Variants in CCDC152 observed in about 807,000 individuals in gnomAD.
CCDC152 encodes coiled-coil domain-containing protein 152.
A neutral mutation model predicts 38.1 loss-of-function variants in CCDC152; 37 were observed. The observed-to-expected ratio is 0.97, with a 90% CI of 0.75 to 1.28. The LOEUF (loss-of-function observed/expected upper bound fraction) is 1.28. Ranked by LOEUF, CCDC152 falls within the 50% of genes most tolerant of loss-of-function variation. The probability of loss-of-function intolerance (pLI) is 0.00; values close to 1 mark genes in which losing one functional copy is unlikely to be tolerated. For synonymous variants in CCDC152, 83 were observed against 87.1 expected, an observed-to-expected ratio of 0.95 and a Z score of 0.26; for missense variants, 259 against 292.1, an observed-to-expected ratio of 0.89 and a Z score of 0.83.
At chr5:42,787,331 A>G (rs1303294999) in intron 6 of CCDC152, among the ~76,000 whole-genome samples, 1 of 151,904 alleles carries the variant, frequency 6.6e-6, no homozygotes, top group Non-Finnish European at 1.5e-5. Context: ...TTTTAATTCC[A>G]GAAGTTTTTG....
At position 42,783,493 on chromosome 5, in the gene CCDC152, C is replaced by T; in HGVS notation, c.347C>T (p.Ala116Val). Reference sequence around the variant, plus strand: ...CTTTAGGAATATAAGAATAATATTGCCAAACTTGTAAGTGAAATGAAAATC... The same window carrying T: ...CTTTAGGAATATAAGAATAATATTGTCAAACTTGTAAGTGAAATGAAAATC... ...SHEQEYKNNIAKLVSEMKIKE... is the reference protein window; with the variant it reads ...SHEQEYKNNIVKLVSEMKIKE... Residue 116 changes from alanine to valine, a missense_variant, in exon 6 of 9, where the codon GCC becomes GTC. Physicochemically the swap from Ala to Val is moderately conservative, Grantham distance 64 (BLOSUM62 0). Transcript: ENST00000361970. 1 of 1,344,486 alleles carries T rather than the reference C, an allele frequency of 7.4e-7. No homozygotes were observed. The highest frequency in any genetic ancestry group is 9.7e-7 in the Non-Finnish European group (1 of 1,034,990). The allele number at this position is 1,344,486 out of a possible 1,614,324, so 83.3% of individuals were successfully genotyped here. A position where few individuals can be genotyped will look rare whatever the true frequency, so the allele number is the denominator to read the frequency against.
At chr5:42,766,846 A>G (rs941168715) in intron 3 of CCDC152, among the ~76,000 whole-genome samples, 2 of 151,416 alleles carry the variant, frequency 1.3e-5, no homozygotes, top group Admixed American at 1.3e-4. Context: ...ACTATTCGTT[A>G]GCACAGTAAG....
chr5:42,799,638 C>A (rs1032239576), intron 8 of CCDC152, 21 bp from the exon 9 acceptor site: 19 of 1,515,700 alleles, frequency 1.3e-5, no homozygotes, highest in Admixed American at 2.1e-5. Context: ...ATTCTAATAA[C>A]AAATTTTTTG....
chr5:42,757,315 G>A (rs747276212), intron 1 of CCDC152, among the ~76,000 whole-genome samples: 21 of 152,158 alleles, frequency 1.4e-4, no homozygotes, highest in Non-Finnish European at 2.5e-4. Flanking sequence ...GGACCAGAGC[G>A]TGGGGCAGGC....
At chr5:42,781,371 A>G (rs1031612882) in intron 5 of CCDC152, among the ~76,000 whole-genome samples, 1 of 152,168 alleles carries the variant, frequency 6.6e-6, no homozygotes, top group Admixed American at 6.5e-5. Flanking sequence ...CAGGATAAGT[A>G]GAACAAACAG....
At position 42,800,716 on chromosome 5, in the gene CCDC152, ATATT is replaced by A; in HGVS notation, c.*938_*941del. ...AATTGGGGAGTATGTCCTATTTTAA[ATATT>A]TAGTTTGAAGGTCATTCTCACTTTT... On this transcript the variant is annotated 3_prime_UTR_variant, in exon 9 of 9. Transcript: ENST00000361970. 2 of 1,592,538 alleles carry A rather than the reference ATATT, an allele frequency of 1.3e-6. No homozygotes were observed. Among genetic ancestry groups the A allele is most frequent in the Non-Finnish European group, 1.7e-6 (2 of 1,166,676 alleles).
chr5:42,775,062 T>A (rs1166367948), intron 4 of CCDC152, among the ~76,000 whole-genome samples: 1 of 146,698 alleles, frequency 6.8e-6, no homozygotes, highest in African/African-American at 2.5e-5. Context: ...TAACAAAATA[T>A]TCAAAAACAG....
chr5:42,763,257 C>T (rs1265571425), intron 3 of CCDC152, among the ~76,000 whole-genome samples: 3 of 152,202 alleles, frequency 2.0e-5, no homozygotes, highest in African/African-American at 7.2e-5. Flanking sequence ...GAAACTGGAA[C>T]AACATGAGCT....
intron 4 of CCDC152, among the ~76,000 whole-genome samples, chr5:42,770,397 G>T (rs1186970060): frequency 2.0e-5 from 3 of 152,102 alleles, no homozygotes; most frequent in African/African-American, 7.2e-5. Context: ...GGGCACTCAT[G>T]CTCCTATTTC....
chr5:42,773,616 A>T (rs1759729580), intron 4 of CCDC152, among the ~76,000 whole-genome samples: 2 of 152,214 alleles, frequency 1.3e-5, no homozygotes, highest in African/African-American at 4.8e-5. Flanking sequence ...TTCAAAATGG[A>T]CAAGTAGTTT....
At chr5:42,786,791 A>G (rs1759926595) in intron 6 of CCDC152, among the ~76,000 whole-genome samples, 1 of 151,956 alleles carries the variant, frequency 6.6e-6, no homozygotes. Context: ...AGTGCTATAA[A>G]CTTTTCTCCT....
In CCDC152 at chr5:42,800,459, A is replaced by G. The variant is rs1579727223; in HGVS notation, c.*678A>G. The G allele has an allele frequency of 2.7e-6, 1 of 371,772 alleles. No homozygotes were observed. Among genetic ancestry groups the G allele is most frequent in the Non-Finnish European group, 4.8e-6 (1 of 209,138 alleles). 23.0% of individuals were successfully genotyped at this position (371,772 alleles called of 1,614,324 possible). ...TACGTTTCTATTCTCATTAAAGCAAATAGAACACTGGAAAAAGAAAAAAAA... is the reference window on the plus strand; with the variant it reads ...TACGTTTCTATTCTCATTAAAGCAAGTAGAACACTGGAAAAAGAAAAAAAA... On this transcript the variant is annotated 3_prime_UTR_variant, in exon 9 of 9. Transcript: ENST00000361970.
chr5:42,765,860 T>G (rs1220867153), intron 3 of CCDC152, among the ~76,000 whole-genome samples: 2 of 152,160 alleles, frequency 1.3e-5, no homozygotes, highest in Admixed American at 6.5e-5. Flanking sequence ...GGGCAAAGAT[T>G]TATTGAGCAA....
Position 42,799,652 on chromosome 5 carries a change from C to T in CCDC152, c.643-7C>T, listed in dbSNP as rs751054472. ...AATTCTAATAACAAATTTTTTGTTT[C>T]GTTTAGAAACTTCAGCATTTTCAAG... On this transcript the variant is annotated splice_region_variant and splice_polypyrimidine_tract_variant and intron_variant, in intron 8 of 8. Transcript: ENST00000361970. The T allele has an allele frequency of 4.4e-5, 68 of 1,528,812 alleles. No individual in the cohort carries two copies. Among genetic ancestry groups the T allele is most frequent in the Admixed American group, 3.2e-4 (15 of 46,426 alleles). 94.7% of individuals were successfully genotyped at this position (1,528,812 alleles called of 1,614,324 possible).
rs767050970 is a variant in CCDC152 at position 42,800,794 on chromosome 5, G to A, written c.*1013G>A. On this transcript the variant is annotated 3_prime_UTR_variant, in exon 9 of 9. Coordinates refer to ENST00000361970, the MANE Select transcript of CCDC152 (RefSeq NM_001134848.2). ...CTGGCACTGGCTTCTGTGGGTATAA[G>A]CTGCTGACTTATTTGTCAGGCAGCT... The A allele has an allele frequency of 6.8e-6, 11 of 1,614,172 alleles. No homozygotes were observed. In the South Asian group the frequency reaches 1.2e-4, roughly 18 times the overall value.
At chr5:42,774,036 G>A (rs1003064501) in intron 4 of CCDC152, among the ~76,000 whole-genome samples, 5 of 152,146 alleles carry the variant, frequency 3.3e-5, no homozygotes, top group African/African-American at 9.7e-5. Flanking sequence ...CTAACAACAA[G>A]TAAAACATTG....
At chr5:42,799,169 G>A (rs230814) in intron 7 of CCDC152, among the ~76,000 whole-genome samples, 84,131 of 151,802 alleles carry the variant, frequency 0.55, 23,492 homozygotes, top group Admixed American at 0.6. Flanking sequence ...AGGTAATTTT[G>A]CCGTGCAATC....
At chr5:42,767,255 T>A (rs1759636535) in intron 3 of CCDC152, among the ~76,000 whole-genome samples, 1 of 152,098 alleles carries the variant, frequency 6.6e-6, no homozygotes, top group Admixed American at 6.6e-5. Flanking sequence ...GACATTTTAT[T>A]TTCTGCATTT....
At chr5:42,774,547 C>CA (rs1759746087) in intron 4 of CCDC152, among the ~76,000 whole-genome samples, 2 of 152,184 alleles carry the variant, frequency 1.3e-5, no homozygotes, top group African/African-American at 4.8e-5. Flanking sequence ...CTAGCCTTCC[C>CA]AACTCTAGCC....
Sources: allele counts gnomAD v4.1 joint callset (sites outside exome capture counted in the v4.1 genomes callset), GRCh38; gene constraint gnomAD v4.1.1; transcripts MANE v1.5; gene names NCBI Gene and HGNC (gene_info 2026-07-23, HGNC 2026-07-21).